The following NXPH1 variants were observed in gnomAD, a reference collection of about 807,000 sequenced individuals.
NXPH1 encodes neurexophilin-1.
Under a neutral mutation model 23.7 loss-of-function variants are expected in NXPH1, and 5 were observed. That is an observed-to-expected ratio of 0.21 (90% CI 0.11 to 0.44). The LOEUF is 0.44. NXPH1 is among the 20% of genes least tolerant of loss of function. NXPH1 has a pLI of 0.99. For synonymous variants in NXPH1, 144 were observed against 122.2 expected (o/e 1.18, Z -1.18); for missense variants, 324 against 321.6 (o/e 1.01, Z -0.06).
intron 2 of NXPH1, among the ~76,000 whole-genome samples, chr7:8,674,976 C>T (rs1159345086): frequency 6.6e-6 from 1 of 152,172 alleles, no homozygotes; most frequent in African/African-American, 2.4e-5. Context: ...TCTAAGCCAA[C>T]TTAGTGACAG....
At chr7:8,724,375 G>C (rs746727235) in intron 2 of NXPH1, among the ~76,000 whole-genome samples, 1 of 152,184 alleles carries the variant, frequency 6.6e-6, no homozygotes, top group Non-Finnish European at 1.5e-5. Flanking sequence ...AAGTCAGTGA[G>C]TTTAGGGACA....
intron 2 of NXPH1, among the ~76,000 whole-genome samples, chr7:8,735,057 T>C (rs896511894): frequency 1.3e-5 from 2 of 152,202 alleles, no homozygotes; most frequent in Non-Finnish European, 2.9e-5. Flanking sequence ...ACCATGGGGT[T>C]TTCTAAATAT....
chr7:8,646,951 G>C (rs991210733), intron 2 of NXPH1, among the ~76,000 whole-genome samples: 3 of 151,860 alleles, frequency 2.0e-5, no homozygotes, highest in Non-Finnish European at 4.4e-5. Context: ...TACATGGAGA[G>C]AACACAGGGG....
At chr7:8,691,289 C>T (rs1433314117) in intron 2 of NXPH1, among the ~76,000 whole-genome samples, 1 of 152,084 alleles carries the variant, frequency 6.6e-6, no homozygotes, top group South Asian at 2.1e-4. Context: ...GCTGGGATTA[C>T]AGGCATGCAC....
At chr7:8,514,604 T>C (rs138709760) in intron 2 of NXPH1, among the ~76,000 whole-genome samples, 1 of 152,168 alleles carries the variant, frequency 6.6e-6, no homozygotes, top group African/African-American at 2.4e-5. Context: ...TGTGGACTTA[T>C]GAAAGTTATA....
chr7:8,487,126 A>G (rs1348011786), intron 2 of NXPH1, among the ~76,000 whole-genome samples: 1 of 152,104 alleles, frequency 6.6e-6, no homozygotes, highest in African/African-American at 2.4e-5. Flanking sequence ...TACTTATCAT[A>G]TATTCTATAA....
Position 8,655,443 on chromosome 7 carries a change from T to A in NXPH1, c.55-95565T>A, listed in dbSNP as rs1226229240. ...CTCTCTCTCTCTCTCTCTCTCTCTC[T>A]CTCTCTATACACACACACACACACA... is the stretch of plus-strand genomic sequence containing the variant. On this transcript the variant is annotated intron_variant, in intron 2 of 2. Transcript: ENST00000405863. Among the ~76,000 whole-genome samples, 144 of 72,884 alleles carry A rather than the reference T, an allele frequency of 2.0e-3. 1 individual carries two copies. The highest frequency in any genetic ancestry group is 6.0e-3 in the African/African-American group (128 of 21,454). The allele number at this position is 72,884 out of a possible 152,430, so 47.8% of individuals were successfully genotyped here.
intron 2 of NXPH1, among the ~76,000 whole-genome samples, chr7:8,548,101 C>A (rs755960153): frequency 4.6e-5 from 7 of 151,530 alleles, no homozygotes; most frequent in Non-Finnish European, 1.0e-4. Context: ...ACATTCCCAC[C>A]AACAGTGTAT....
At chr7:8,491,389 C>T (rs1817245766) in intron 2 of NXPH1, among the ~76,000 whole-genome samples, 1 of 151,968 alleles carries the variant, frequency 6.6e-6, no homozygotes, top group Non-Finnish European at 1.5e-5. Context: ...ATTAACATCC[C>T]TTCAGAATTG....
chr7:8,496,007 T>G (rs1817332403), intron 2 of NXPH1, among the ~76,000 whole-genome samples: 1 of 152,018 alleles, frequency 6.6e-6, no homozygotes, highest in African/African-American at 2.4e-5. Flanking sequence ...TGGAAAGAAC[T>G]TAAGTATGAG....
At chr7:8,503,236 T>A (rs1817466452) in intron 2 of NXPH1, among the ~76,000 whole-genome samples, 1 of 152,044 alleles carries the variant, frequency 6.6e-6, no homozygotes, top group Admixed American at 6.6e-5. Flanking sequence ...TATCCTTATT[T>A]TATAGATAAG....
intron 2 of NXPH1, among the ~76,000 whole-genome samples, chr7:8,750,220 T>C (rs1780540437): frequency 6.6e-6 from 1 of 152,194 alleles, no homozygotes; most frequent in Non-Finnish European, 1.5e-5. Context: ...TATACCAGAG[T>C]CTCTTTGCAA....
At chr7:8,738,903 C>T (rs1396856447) in intron 2 of NXPH1, among the ~76,000 whole-genome samples, 1 of 152,072 alleles carries the variant, frequency 6.6e-6, no homozygotes, top group Non-Finnish European at 1.5e-5. Context: ...CCGAACTTCC[C>T]CCAGCAGCTT....
At chr7:8,461,001 A>G (rs1344897235) in intron 2 of NXPH1, among the ~76,000 whole-genome samples, 2 of 152,180 alleles carry the variant, frequency 1.3e-5, no homozygotes, top group Non-Finnish European at 2.9e-5. Flanking sequence ...TCTTTTCAAT[A>G]TTAGGTATTA....
At chr7:8,563,899 G>T (rs1473494922) in intron 2 of NXPH1, among the ~76,000 whole-genome samples, 1 of 151,748 alleles carries the variant, frequency 6.6e-6, no homozygotes, top group African/African-American at 2.4e-5. Context: ...GATTAAAAGA[G>T]CAAAACAAAC....
At chr7:8,462,237 T>C (rs572168066) in intron 2 of NXPH1, among the ~76,000 whole-genome samples, 1 of 152,278 alleles carries the variant, frequency 6.6e-6, no homozygotes, top group African/African-American at 2.4e-5. Flanking sequence ...TTAGTAGAGA[T>C]GGGGTTTCAC....
chr7:8,507,702 G>T (rs1817552749), intron 2 of NXPH1, among the ~76,000 whole-genome samples: 1 of 152,086 alleles, frequency 6.6e-6, no homozygotes, highest in Admixed American at 6.6e-5. Flanking sequence ...ACATTAGAAA[G>T]ATAACAGCAG....
intron 2 of NXPH1, among the ~76,000 whole-genome samples, chr7:8,624,159 C>T (rs1412336405): frequency 6.6e-6 from 1 of 151,980 alleles, no homozygotes; most frequent in Non-Finnish European, 1.5e-5. Flanking sequence ...GTTTTTTAAC[C>T]CAAAGCATCA....
chr7:8,584,089 C>G (rs1584249586), intron 2 of NXPH1, among the ~76,000 whole-genome samples: 1 of 152,154 alleles, frequency 6.6e-6, no homozygotes, highest in East Asian at 1.9e-4. Flanking sequence ...CAGATATTAA[C>G]TCAATTAATA....
Sources: allele counts gnomAD v4.1 joint callset (sites outside exome capture counted in the v4.1 genomes callset), GRCh38; gene constraint gnomAD v4.1.1; transcripts MANE v1.5; gene names NCBI Gene and HGNC (gene_info 2026-07-23, HGNC 2026-07-21).